The following SLC35A2 variants were observed in gnomAD, a reference collection of about 807,000 sequenced individuals.
SLC35A2 encodes solute carrier family 35 member A2.
In SLC35A2, 1 loss-of-function variant was observed where a neutral mutation model predicts 17.3. The observed-to-expected ratio is 0.06, with a 90% CI of 0.02 to 0.27. The LOEUF is 0.27. Ranked by LOEUF, SLC35A2 falls within the 10% of genes least tolerant of loss-of-function variation. The pLI is 1.00. For synonymous variants in SLC35A2, 161 were observed against 161.3 expected (o/e 1.00, Z 0.01); for missense variants, 191 against 339.3 (o/e 0.56, Z 3.43).
chrX:48,911,432 A>T, intron 1 of SLC35A2, 114 bp downstream of exon 1: 2 of 933,758 alleles, frequency 2.1e-6, no homozygotes, highest in Non-Finnish European at 3.0e-6. Flanking sequence ...ACACACACAC[A>T]CACACACGTC....
At chrX:48,904,541 G>A in intron 4 of SLC35A2, 2 of 1,169,059 alleles carry the variant, frequency 1.7e-6, no homozygotes, top group Non-Finnish European at 2.3e-6. Flanking sequence ...ACCCTACCAG[G>A]AAGGGTTCAC....
At chrX:48,909,405 G>A (rs962030597) in intron 2 of SLC35A2, among the ~76,000 whole-genome samples, 36 of 113,189 alleles carry the variant, frequency 3.2e-4, no homozygotes, top group Non-Finnish European at 6.0e-4. Flanking sequence ...AAGGACGTAG[G>A]TAGACATATA....
chrX:48,904,714 T>C (rs1557042595), intron 4 of SLC35A2, 32 bp downstream of exon 4: 1 of 1,209,219 alleles, frequency 8.3e-7, no homozygotes. Flanking sequence ...TGTCCCCCCA[T>C]TGCTGCCAGC....
Position 48,905,294 on chromosome X carries a change from G to A in SLC35A2, c.615C>T (p.Ala205=), listed in dbSNP as rs781922248. 67 of 1,187,875 alleles carry A rather than the reference G, an allele frequency of 5.6e-5. No individual in the cohort carries two copies. Among genetic ancestry groups the A allele is most frequent in the Non-Finnish European group, 7.0e-5 (62 of 883,638 alleles). The part of the protein sequence containing the change: ...LDQNPGAGLA[A]VVASCLSSGF... The stretch of plus-strand genomic sequence containing the variant: ...CGGAGGAGAGACAGGAGGCCACGAC[G>A]GCTGCCAGGCCTGCCCCAGGGTTCT... The change falls in exon 4 of 5, where the codon GCC becomes GCT. Residue 205 remains alanine, a synonymous_variant. Coordinates refer to ENST00000247138, the MANE Select transcript of SLC35A2 (RefSeq NM_005660.3).
At chrX:48,904,473 A>AAGAGGTTAGAGAGGAGC in intron 4 of SLC35A2, 2 of 1,099,756 alleles carry the variant, frequency 1.8e-6, no homozygotes, top group Non-Finnish European at 2.4e-6. Context: ...CCTGCCTCCA[A>AAGAGGTTAGAGAGGAGC]AGAGGTTAGA....
intron 1 of SLC35A2, chrX:48,910,368 T>C: frequency 1.2e-6 from 1 of 866,961 alleles, no homozygotes; most frequent in Non-Finnish European, 1.6e-6. Context: ...TATTGAGTGT[T>C]TACTGTATGC....
In SLC35A2 at chrX:48,911,492, C is replaced by T. The variant is rs1557044022; in HGVS notation, c.91+54G>A. Reference sequence around the variant, plus strand: ...ACTTTAGTGAGGAACATTCCCGACTCCCAGCGATCCCGACCTCCGCCTCCC... The same window carrying T: ...ACTTTAGTGAGGAACATTCCCGACTTCCAGCGATCCCGACCTCCGCCTCCC... On this transcript the variant is annotated intron_variant, in intron 1 of 4. Transcript: ENST00000247138. 3 of 1,151,169 alleles carry T rather than the reference C, an allele frequency of 2.6e-6. No homozygotes were observed. The South Asian group carries it at 5.7e-5, about 22-fold the overall frequency. 94.9% of individuals were successfully genotyped at this position (1,151,169 alleles called of 1,213,427 possible).
chrX:48,904,452 A>G, intron 4 of SLC35A2: 4 of 1,093,452 alleles, frequency 3.7e-6, no homozygotes, highest in Non-Finnish European at 4.8e-6. Flanking sequence ...TTGAATGACA[A>G]TACCCCCAAC....
chrX:48,911,355 C>A (rs1602347000), intron 1 of SLC35A2, 191 bp downstream of exon 1: 1 of 558,546 alleles, frequency 1.8e-6, no homozygotes, highest in East Asian at 3.6e-5. Context: ...TCTCCATATG[C>A]GGAAGGATCC....
At chrX:48,911,922 C>G (rs1557044235), upstream of SLC35A2, 3 of 1,167,630 alleles carry the variant, frequency 2.6e-6, no homozygotes, top group Admixed American at 7.7e-5. Context: ...GCCGTTCGTC[C>G]GCTTCACTGA....
Position 48,904,847 on chromosome X carries a change from G to A in SLC35A2, c.1062C>T (p.Ser354=), listed in dbSNP as rs142781476. Reference sequence around the variant, plus strand: ...GCTGGTGAACGCAGGGCCCGGAGGCGGAGGCAGAGGCAGAGGCTATGGCTT... The same window carrying A: ...GCTGGTGAACGCAGGGCCCGGAGGCAGAGGCAGAGGCAGAGGCTATGGCTT... The part of the protein sequence containing the change: ...AAKAIASASA[S]ASGPCVHQQP... The change falls in exon 4 of 5, where the codon TCC becomes TCT. Residue 354 remains serine, a synonymous_variant. Coordinates refer to ENST00000247138, the MANE Select transcript of SLC35A2 (RefSeq NM_005660.3). 55 of 1,210,127 alleles carry A rather than the reference G, an allele frequency of 4.5e-5. No homozygotes were observed. Among genetic ancestry groups the A allele is most frequent in the South Asian group, 1.2e-4 (7 of 56,767 alleles).
chrX:48,910,142 A>G (rs782366565), intron 1 of SLC35A2, 146 bp from the exon 2 acceptor site: 199 of 874,961 alleles, frequency 2.3e-4, no homozygotes, highest in Non-Finnish European at 3.1e-4. Context: ...CCCTCACCCA[A>G]TAAGGGTCTG....
intron 4 of SLC35A2, chrX:48,903,890 G>A: frequency 1.3e-6 from 1 of 780,060 alleles, no homozygotes; most frequent in Non-Finnish European, 1.5e-6. Flanking sequence ...GCCTCACACA[G>A]CCAGACGGAT....
At chrX:48,909,105 C>T (rs782766198) in intron 2 of SLC35A2, among the ~76,000 whole-genome samples, 2 of 112,326 alleles carry the variant, frequency 1.8e-5, no homozygotes, top group South Asian at 7.3e-4. Context: ...GACCAAAAAA[C>T]CCCTAGAGAT....
chrX:48,904,353 G>T (rs1367521988), intron 4 of SLC35A2: 1 of 1,064,452 alleles, frequency 9.4e-7, no homozygotes, highest in African/African-American at 1.9e-5. Context: ...CCTTATGGAG[G>T]TGGAGGGACT....
chrX:48,907,925 G>C (rs188509974), intron 2 of SLC35A2, among the ~76,000 whole-genome samples: 1 of 109,513 alleles, frequency 9.1e-6, no homozygotes, highest in Admixed American at 9.7e-5. Context: ...AGGAGGCTGA[G>C]GCAGGAGAAT....
At chrX:48,906,321 C>A (rs782532290) in intron 3 of SLC35A2, 71 bp downstream of exon 3, 4 of 1,011,086 alleles carry the variant, frequency 4.0e-6, no homozygotes, top group Admixed American at 2.5e-5. Context: ...CACCCCCCCA[C>A]CACGCTATTC....
intron 3 of SLC35A2, 32 bp downstream of exon 3, chrX:48,906,360 T>A: frequency 1.7e-6 from 2 of 1,195,770 alleles, no homozygotes; most frequent in Non-Finnish European, 1.1e-6. Context: ...CCCAGTTAGT[T>A]CCTCTGGGGC....
At chrX:48,905,658 G>A (rs2063485588) in intron 3 of SLC35A2, among the ~76,000 whole-genome samples, 176 bp from the exon 4 acceptor site, 1 of 112,227 alleles carries the variant, frequency 8.9e-6, no homozygotes, top group African/African-American at 3.2e-5. Context: ...CAGCAAAACA[G>A]TTCTGAAGTC....
Sources: gnomAD v4.1 joint callset for allele counts (sites outside exome capture counted in the v4.1 genomes callset) on GRCh38, gnomAD v4.1.1 for gene constraint, MANE v1.5 for transcripts, NCBI Gene and HGNC (gene_info 2026-07-23, HGNC 2026-07-21) for gene names.